The following C1orf146 variants were observed in gnomAD, a reference collection of about 807,000 sequenced individuals.
C1orf146 encodes chromosome 1 open reading frame 146, also known as protein SPO16 homolog.
Under a neutral mutation model 23.0 loss-of-function variants are expected in C1orf146, and 22 were observed. That is an observed-to-expected ratio of 0.96 (90% CI 0.68 to 1.36). The LOEUF (loss-of-function observed/expected upper bound fraction) is 1.36. Ranked by LOEUF, C1orf146 falls within the 40% of genes most tolerant of loss-of-function variation. The probability of loss-of-function intolerance (pLI) is 0.00; values close to 1 mark genes in which losing one functional copy is unlikely to be tolerated. For missense variants in C1orf146, 199 were observed against 206.8 expected, an observed-to-expected ratio of 0.96 and a Z score of 0.23; for synonymous variants, 59 against 65.3, an observed-to-expected ratio of 0.90 and a Z score of 0.47.
At chr1:92,230,036 T>G (rs1223191108) in intron 1 of C1orf146, among the ~76,000 whole-genome samples, 1 of 151,118 alleles carries the variant, frequency 6.6e-6, no homozygotes, top group Admixed American at 6.6e-5. Context: ...TTTGTTTTAC[T>G]GTATACCTGG....
chr1:92,236,269 G>T (rs1211627937), intron 2 of C1orf146, among the ~76,000 whole-genome samples: 1 of 151,914 alleles, frequency 6.6e-6, no homozygotes, highest in Non-Finnish European at 1.5e-5. Flanking sequence ...TCCATGTTTA[G>T]TGCTTCCTTT....
chr1:92,244,628 A>G, intron 4 of C1orf146, 151 bp from the exon 5 acceptor site: 4 of 642,238 alleles, frequency 6.2e-6, no homozygotes, highest in South Asian at 4.6e-5. Context: ...TGTTCTGGCT[A>G]TAAAGCCATC....
intron 2 of C1orf146, among the ~76,000 whole-genome samples, chr1:92,236,307 G>C (rs1169997199): frequency 1.3e-5 from 2 of 151,942 alleles, no homozygotes; most frequent in Admixed American, 6.6e-5. Context: ...AGGCCTGCTG[G>C]TGACAAAATC....
chr1:92,228,873 C>T (rs1652033577), intron 1 of C1orf146: 1 of 393,782 alleles, frequency 2.5e-6, no homozygotes, highest in South Asian at 2.1e-5. Context: ...ATATCAGATA[C>T]TAGCTTCAAG....
intron 1 of C1orf146, among the ~76,000 whole-genome samples, chr1:92,220,793 T>C (rs887101656): frequency 3.9e-5 from 6 of 152,228 alleles, no homozygotes; most frequent in African/African-American, 1.2e-4. Context: ...AAAGAGACTT[T>C]AAACAAAAGC....
At chr1:92,218,957 C>T (rs1651752312) in intron 1 of C1orf146, among the ~76,000 whole-genome samples, 1 of 152,158 alleles carries the variant, frequency 6.6e-6, no homozygotes, top group African/African-American at 2.4e-5. Context: ...ACACGACTGA[C>T]CCCACTCCTT....
At chr1:92,237,241 C>T (rs1294814854) in intron 2 of C1orf146, among the ~76,000 whole-genome samples, 1 of 151,958 alleles carries the variant, frequency 6.6e-6, no homozygotes, top group Non-Finnish European at 1.5e-5. Flanking sequence ...GTGGTTTTAT[C>T]TACTTTTGGT....
At position 92,244,798 on chromosome 1, in the gene C1orf146, C is replaced by A. The variant is rs371131417; in HGVS notation, c.349C>A (p.Arg117=). Residue 117 remains arginine, a synonymous_variant, in exon 5 of 6, where the codon CGA becomes AGA. Transcript: ENST00000370375. The part of the protein sequence containing the change: ...IQQRFLGCNL[R]ILPVHNTVNA... ...TTTCAGATTCCTGGGTTGTAACTTACGAATACTTCCAGTACACAACACAGT... is the reference window on the plus strand; with the variant it reads ...TTTCAGATTCCTGGGTTGTAACTTAAGAATACTTCCAGTACACAACACAGT... 1 of 1,605,516 alleles carries A rather than the reference C, an allele frequency of 6.2e-7. No individual in the cohort carries two copies. The highest frequency in any genetic ancestry group is 1.3e-5 in the African/African-American group (1 of 74,790).
chr1:92,221,567 G>A, intron 1 of C1orf146, among the ~76,000 whole-genome samples: 1 of 152,210 alleles, frequency 6.6e-6, no homozygotes, highest in Middle Eastern at 3.2e-3. Flanking sequence ...AGCTTTATAA[G>A]CAGTGCAGAT....
intron 1 of C1orf146, 118 bp from the exon 2 acceptor site, chr1:92,231,263 CA>C: frequency 1.8e-6 from 1 of 545,878 alleles, no homozygotes; most frequent in Non-Finnish European, 3.2e-6. Context: ...TTTCTGTTGT[CA>C]AATTTTGATG....
At chr1:92,237,602 G>T (rs1049233346) in intron 2 of C1orf146, among the ~76,000 whole-genome samples, 1 of 152,168 alleles carries the variant, frequency 6.6e-6, no homozygotes, top group South Asian at 2.1e-4. Context: ...CTCCAGCTGC[G>T]TGCTGGGAGA....
chr1:92,236,205 G>A (rs1270356605), intron 2 of C1orf146, among the ~76,000 whole-genome samples: 3 of 151,862 alleles, frequency 2.0e-5, no homozygotes, highest in Admixed American at 2.0e-4. Flanking sequence ...TCCTAGTCTC[G>A]ATGGTCTTTA....
At position 92,245,620 on chromosome 1, in the gene C1orf146, T is replaced by C. The variant is rs773036446; in HGVS notation, c.489T>C (p.Val163=). ...AKAYIIEQSP[V]WKTLQKIKLN... ...CTTACATCATTGAGCAAAGTCCTGT[T>C]TGGAAAACACTTCAGAAGATAAAAC... Residue 163 remains valine, a synonymous_variant, in exon 6 of 6, where the codon GTT becomes GTC. Coordinates refer to ENST00000370375, the MANE Select transcript of C1orf146 (RefSeq NM_001012425.2). 3 of 1,600,814 alleles carry C rather than the reference T, an allele frequency of 1.9e-6. No homozygotes were observed. Among genetic ancestry groups the C allele is most frequent in the South Asian group, 1.1e-5 (1 of 88,492 alleles).
chr1:92,237,689 G>A (rs1032423415), intron 2 of C1orf146, among the ~76,000 whole-genome samples: 1 of 152,176 alleles, frequency 6.6e-6, no homozygotes, highest in Non-Finnish European at 1.5e-5. Context: ...GGGAGCTGTA[G>A]ACAGGAGCTG....
chr1:92,243,408 G>A (rs1453694793), intron 3 of C1orf146, among the ~76,000 whole-genome samples: 2 of 152,114 alleles, frequency 1.3e-5, no homozygotes, highest in Non-Finnish European at 2.9e-5. Context: ...GTGCAGTGGT[G>A]TGATCTCAGC....
intron 1 of C1orf146, among the ~76,000 whole-genome samples, chr1:92,223,731 A>C (rs1651893382): frequency 6.6e-6 from 1 of 152,004 alleles, no homozygotes; most frequent in Non-Finnish European, 1.5e-5. Flanking sequence ...ATGGGTTTTC[A>C]CCATGTTGGC....
chr1:92,244,698 G>C, intron 4 of C1orf146, 81 bp from the exon 5 acceptor site: 2 of 893,980 alleles, frequency 2.2e-6, no homozygotes, highest in Non-Finnish European at 3.6e-6. Context: ...AAACAATAGA[G>C]ATTTGTCTCT....
chr1:92,218,214 T>C (rs915581825), intron 1 of C1orf146, among the ~76,000 whole-genome samples, 166 bp downstream of exon 1: 6 of 152,134 alleles, frequency 3.9e-5, no homozygotes, highest in African/African-American at 1.2e-4. Context: ...ATTTTCCCCT[T>C]GAGAATCGGT....
At chr1:92,222,534 G>GTT (rs1191832770) in intron 1 of C1orf146, among the ~76,000 whole-genome samples, 1 of 91,086 alleles carries the variant, frequency 1.1e-5, no homozygotes, top group East Asian at 5.5e-4. Flanking sequence ...TCCCTTCTTC[G>GTT]GTTTTTTTTT....
Sources: gnomAD v4.1 joint callset for allele counts (sites outside exome capture counted in the v4.1 genomes callset) on GRCh38, gnomAD v4.1.1 for gene constraint, MANE v1.5 for transcripts, NCBI Gene and HGNC (gene_info 2026-07-23, HGNC 2026-07-21) for gene names.